Variants in CDH17 observed in about 807,000 individuals in gnomAD.
CDH17 encodes the protein cadherin-17.
Under a neutral mutation model 86.3 loss-of-function variants are expected in CDH17, and 67 were observed. The ratio of observed to expected loss-of-function variants is 0.78; its 90% CI spans 0.64 to 0.95. The LOEUF (loss-of-function observed/expected upper bound fraction) is 0.95, where lower values mean the gene tolerates loss of function less well. Among genes scored for constraint, CDH17 ranks in the 40% least tolerant of loss-of-function variants. The pLI is 0.00. For missense variants in CDH17, 993 were observed against 1,017.6 expected (o/e 0.98, Z 0.33); for synonymous variants, 367 against 366.4 (o/e 1.00, Z -0.02).
intron 9 of CDH17, among the ~76,000 whole-genome samples, chr8:94,169,948 G>T (rs1212660737): frequency 6.6e-6 from 1 of 152,072 alleles, no homozygotes; most frequent in African/African-American, 2.4e-5. Context: ...ACTTCCATTG[G>T]TGTTGCTTAC....
chr8:94,205,118 C>T (rs1355845152), intron 1 of CDH17, among the ~76,000 whole-genome samples: 2 of 152,064 alleles, frequency 1.3e-5, no homozygotes, highest in Admixed American at 6.6e-5. Context: ...CATTGACTTC[C>T]CTCACGTGTG....
intron 9 of CDH17, among the ~76,000 whole-genome samples, chr8:94,169,908 T>C (rs1813234370): frequency 6.6e-6 from 1 of 152,154 alleles, no homozygotes; most frequent in Admixed American, 6.5e-5. Context: ...ATCAGCTTCT[T>C]GGAAAGGGGG....
At chr8:94,181,120 G>A (rs1813477739) in intron 3 of CDH17, among the ~76,000 whole-genome samples, 2 of 151,772 alleles carry the variant, frequency 1.3e-5, no homozygotes. Flanking sequence ...ATGATATAAG[G>A]GTCAATCCAT....
At chr8:94,167,415 C>T (rs1813178157) in intron 9 of CDH17, among the ~76,000 whole-genome samples, 1 of 152,132 alleles carries the variant, frequency 6.6e-6, no homozygotes, top group African/African-American at 2.4e-5. Flanking sequence ...AGTTTGCATC[C>T]ACTGACGCAT....
Position 94,216,945 on chromosome 8 carries a change from G to A in CDH17, c.-21+253C>T, listed in dbSNP as rs112348899. Among the ~76,000 whole-genome samples, 1,135 of 152,326 alleles carry A rather than the reference G, an allele frequency of 7.5e-3. 7 individuals are homozygous for A. The highest frequency in any genetic ancestry group is 9.4e-3 in the Non-Finnish European group (642 of 68,034). On this transcript the variant is annotated intron_variant, in intron 1 of 17. Coordinates refer to the CDH17 transcript ENST00000450165. ...TTGGTTCCAACGTGCAGCCGAGGTT[G>A]AGAACTGCTGGCTTGGTGTCTACCC...
At chr8:94,146,770 T>A (rs922753412) in intron 14 of CDH17, among the ~76,000 whole-genome samples, 2 of 152,270 alleles carry the variant, frequency 1.3e-5, no homozygotes, top group Non-Finnish European at 2.9e-5. Flanking sequence ...TAGTGTTGTA[T>A]GAGGAGTAAG....
At chr8:94,152,232 C>T (rs1812870400) in intron 12 of CDH17, 120 bp from the exon 13 acceptor site, 1 of 1,017,864 alleles carries the variant, frequency 9.8e-7, no homozygotes, top group African/African-American at 1.6e-5. Context: ...ACTGGATATC[C>T]ACATGTGGGA....
chr8:94,212,721 C>G (rs918937739), upstream of CDH17, among the ~76,000 whole-genome samples: 4 of 152,188 alleles, frequency 2.6e-5, no homozygotes, highest in African/African-American at 9.6e-5. Context: ...ACTATCTACT[C>G]TGACAGAAGT....
At position 94,148,620 on chromosome 8, in the gene CDH17, T is replaced by G. The variant is rs375019770; in HGVS notation, c.1927+124A>C. On this transcript the variant is annotated intron_variant, in intron 14 of 17. Coordinates refer to ENST00000027335, the MANE Select transcript of CDH17 (RefSeq NM_004063.4). ...TTTGTACCCTTCTCATCCTTCCACT[T>G]TAAGGTTGTGATATTCTGGTGTTTT... is the stretch of plus-strand genomic sequence containing the variant. 1.4e-4 allele frequency: 93 copies of G among 666,092 alleles called. No homozygotes were observed. In the African/African-American group the frequency reaches 1.5e-3, roughly 11 times the overall value. The allele number at this position is 666,092 out of a possible 1,614,324, so 41.3% of individuals were successfully genotyped here.
At chr8:94,135,078 A>T (rs4352818) in intron 15 of CDH17, among the ~76,000 whole-genome samples, 3,408 of 152,192 alleles carry the variant, frequency 0.022, 121 homozygotes, top group African/African-American at 0.078. Flanking sequence ...TTAACTTCCA[A>T]TTATATGGTC....
intron 15 of CDH17, among the ~76,000 whole-genome samples, chr8:94,142,077 T>C (rs1347784322): frequency 6.7e-6 from 1 of 148,312 alleles, no homozygotes; most frequent in Non-Finnish European, 1.5e-5. Context: ...CCAAAGTTGT[T>C]AAGATAATTC....
At chr8:94,182,150 C>CA in intron 3 of CDH17, among the ~76,000 whole-genome samples, 1 of 152,088 alleles carries the variant, frequency 6.6e-6, no homozygotes. Flanking sequence ...TTTCCACACA[C>CA]AAAAAAGCCC....
At chr8:94,170,821 T>A in intron 8 of CDH17, 33 bp downstream of exon 8, 1 of 1,608,002 alleles carries the variant, frequency 6.2e-7, no homozygotes. Context: ...GGACTTTGTC[T>A]TGTCGCCTGT....
chr8:94,190,478 G>A (rs1020424657), intron 2 of CDH17, among the ~76,000 whole-genome samples: 3 of 152,196 alleles, frequency 2.0e-5, no homozygotes, highest in South Asian at 2.1e-4. Context: ...ATGCAGCCAC[G>A]TTGGGGCACC....
chr8:94,194,584 A>G, intron 2 of CDH17, 51 bp downstream of exon 2: 2 of 1,216,956 alleles, frequency 1.6e-6, no homozygotes, highest in South Asian at 1.3e-5. Context: ...GTAGAAAGAT[A>G]GCAGAAAATA....
intron 14 of CDH17, among the ~76,000 whole-genome samples, chr8:94,147,103 ACTT>A (rs1425354750): frequency 6.6e-6 from 1 of 152,162 alleles, no homozygotes; most frequent in African/African-American, 2.4e-5. Context: ...GATTTCTGAA[ACTT>A]CTAGAATGTG....
chr8:94,169,263 T>C (rs1403328442), intron 9 of CDH17, among the ~76,000 whole-genome samples: 2 of 152,088 alleles, frequency 1.3e-5, no homozygotes, highest in Non-Finnish European at 2.9e-5. Context: ...AGAAGATTCT[T>C]CCTTATAACG....
chr8:94,174,087 C>T lies in CDH17; in HGVS notation c.583+15G>A. 6.2e-7 allele frequency: 1 copy of T among 1,612,546 alleles called. No individual in the cohort carries two copies. Among genetic ancestry groups the T allele is most frequent in the Non-Finnish European group, 8.5e-7 (1 of 1,178,818 alleles). ...TCTGATCGAGACAGTCCTACCAGGG[C>T]ACCCCTGAACTTACCCTCTCGGGTA... On this transcript the variant is annotated intron_variant, in intron 6 of 17. Transcript: ENST00000027335.
At chr8:94,200,861 G>T (rs777146966) in intron 1 of CDH17, among the ~76,000 whole-genome samples, 9 of 152,150 alleles carry the variant, frequency 5.9e-5, no homozygotes, top group Admixed American at 2.0e-4. Flanking sequence ...ATAAGACTTG[G>T]TGGTGAAAAA....
Sources: allele counts gnomAD v4.1 joint callset (sites outside exome capture counted in the v4.1 genomes callset), GRCh38; gene constraint gnomAD v4.1.1; transcripts MANE v1.5; gene names NCBI Gene and HGNC (gene_info 2026-07-23, HGNC 2026-07-21).